RNFT1: variants seen among roughly 807,000 people sequenced by gnomAD.
RNFT1 encodes ring finger protein, transmembrane 1.
A neutral mutation model predicts 53.2 loss-of-function variants in RNFT1; 35 were observed. That is an observed-to-expected ratio of 0.66 (90% confidence interval 0.50 to 0.87). The LOEUF is 0.87. RNFT1 is among the 40% of genes least tolerant of loss of function. The pLI, the probability that RNFT1 is intolerant of heterozygous loss-of-function variation, is 0.00. For synonymous variants in RNFT1, 141 were observed against 172.8 expected (o/e 0.82, Z 1.44); for missense variants, 421 against 515.0 (o/e 0.82, Z 1.77).
rs2045266517 is a variant in RNFT1, at chr17:59,958,305, G to A, written c.832C>T (p.Pro278Ser). Residue 278 changes from proline (P) to serine (S), a missense_variant, in exon 5 of 9, where the codon CCT becomes TCT. Transcript: ENST00000305783. ...LILLVPSFIM[P>S]FKSKGYWYML... The stretch of plus-strand genomic sequence containing the variant: ...GAGTTTCTTACCTTAGATTTAAAAG[G>A]CATGATGAAAGAAGGCACCAATAAA... The A allele has an allele frequency of 6.3e-7, 1 of 1,592,116 alleles. No homozygotes were observed. The highest frequency in any genetic ancestry group is 2.3e-5 in the East Asian group (1 of 44,400).
At chr17:59,958,581 TAATGG>T in intron 4 of RNFT1, 137 bp from the exon 5 acceptor site, 2 of 755,596 alleles carry the variant, frequency 2.6e-6, no homozygotes, top group Non-Finnish European at 4.5e-6. Context: ...GAGTTCACAA[TAATGG>T]AATGGAGGAT....
chr17:59,959,991 T>C, intron 4 of RNFT1, 77 bp downstream of exon 4: 2 of 1,417,768 alleles, frequency 1.4e-6, no homozygotes. Context: ...ATAAGTACTA[T>C]GTGAAGTAAG....
At chr17:59,958,166 TAC>T (rs1335314137) in intron 5 of RNFT1, 123 bp downstream of exon 5, 33 of 905,416 alleles carry the variant, frequency 3.6e-5, no homozygotes, top group Admixed American at 5.9e-5. Context: ...GCTGAAATAA[TAC>T]AGATAATTAA....
chr17:59,957,120 G>A (rs1230388292), intron 6 of RNFT1, 104 bp downstream of exon 6: 4 of 1,099,914 alleles, frequency 3.6e-6, no homozygotes, highest in Non-Finnish European at 5.2e-6. Context: ...TCAAACTAGT[G>A]ATATGAAGAT....
intron 6 of RNFT1, 41 bp downstream of exon 6, chr17:59,957,183 A>G: frequency 6.3e-7 from 1 of 1,578,908 alleles, no homozygotes; most frequent in Middle Eastern, 1.7e-4. Context: ...AGTAATCATT[A>G]ATGTGAATCA....
At chr17:59,958,185 T>C (rs1382278217) in intron 5 of RNFT1, 106 bp downstream of exon 5, 2 of 1,152,060 alleles carry the variant, frequency 1.7e-6, no homozygotes, top group African/African-American at 1.6e-5. Flanking sequence ...TTAAGCTAGT[T>C]AGCAAACTGA....
At position 59,957,288 on chromosome 17, in the gene RNFT1, T is replaced by TC; in HGVS notation, c.940dup (p.Glu314GlyfsTer4). On this transcript the variant is annotated frameshift_variant, in exon 6 of 9. Coordinates refer to ENST00000305783, the MANE Select transcript of RNFT1 (RefSeq NM_016125.4). LOFTEE classifies it high-confidence loss of function. The stretch of plus-strand genomic sequence containing the variant: ...ACTCCATCTAGTTACGTTACCAAAC[T>TC]CCCCATAGCTTATAAGGTAGCGAAA... The TC allele has an allele frequency of 6.2e-7, 1 of 1,613,816 alleles. No individual in the cohort carries two copies. Among genetic ancestry groups the TC allele is most frequent in the Non-Finnish European group, 8.5e-7 (1 of 1,179,940 alleles).
intron 2 of RNFT1, 68 bp from the exon 3 acceptor site, chr17:59,962,684 T>C (rs1248758932): frequency 4.4e-5 from 60 of 1,372,876 alleles, no homozygotes; most frequent in Non-Finnish European, 5.9e-5. Flanking sequence ...AAGCTAACAA[T>C]GACACAAATT....
intron 3 of RNFT1, among the ~76,000 whole-genome samples, chr17:59,961,472 A>C (rs2145119411): frequency 6.6e-6 from 1 of 152,340 alleles, no homozygotes; most frequent in African/African-American, 2.4e-5. Flanking sequence ...ATAGCCATTT[A>C]AAGTTGCCTT....
intron 1 of RNFT1, 98 bp from the exon 2 acceptor site, chr17:59,963,382 A>G: frequency 1.0e-6 from 1 of 982,112 alleles, no homozygotes; most frequent in Non-Finnish European, 1.5e-6. Context: ...AGGAGTAGCA[A>G]ATAATCACAA....
Position 59,963,027 on chromosome 17 carries a change from C to T in RNFT1, c.314G>A (p.Ser105Asn). ...SSRNIRSGVH[S>N]CAHGCVHSRL... The stretch of plus-strand genomic sequence containing the variant: ...ACTGTGTACACATCCATGGGCACAG[C>T]TATGGACACCTGACCTTATATTTCT... Residue 105 changes from serine (S) to asparagine (N), a missense_variant, in exon 2 of 9, where the codon AGC becomes AAC. By Grantham distance (46) the Ser-to-Asn change is conservative. Coordinates refer to ENST00000305783, the MANE Select transcript of RNFT1 (RefSeq NM_016125.4). 1 of 1,614,220 alleles carries T rather than the reference C, an allele frequency of 6.2e-7. No homozygotes were observed. Among genetic ancestry groups the T allele is most frequent in the Non-Finnish European group, 8.5e-7 (1 of 1,180,042 alleles).
At chr17:59,961,204 T>G (rs577366593) in intron 3 of RNFT1, among the ~76,000 whole-genome samples, 36 of 150,922 alleles carry the variant, frequency 2.4e-4, no homozygotes, top group African/African-American at 8.3e-4. Flanking sequence ...GCCCAGCTAA[T>G]TTTTTGTATT....
intron 3 of RNFT1, among the ~76,000 whole-genome samples, chr17:59,960,473 TAA>T (rs1204402063): frequency 8.4e-6 from 1 of 118,758 alleles, no homozygotes; most frequent in Non-Finnish European, 1.8e-5. Context: ...TAAATTAAAT[TAA>T]AAAAAAAAAA....
At chr17:59,959,189 C>T (rs1367775011) in intron 4 of RNFT1, among the ~76,000 whole-genome samples, 1 of 152,096 alleles carries the variant, frequency 6.6e-6, no homozygotes, top group Non-Finnish European at 1.5e-5. Flanking sequence ...GATTTTTCTC[C>T]TCAAAATCAG....
intron 1 of RNFT1, among the ~76,000 whole-genome samples, chr17:59,963,731 G>GA (rs374226039): frequency 1.3e-5 from 2 of 150,292 alleles, no homozygotes; most frequent in East Asian, 3.9e-4. Context: ...GAAATGTTAG[G>GA]AAAAAAAACA....
intron 8 of RNFT1, 103 bp downstream of exon 8, chr17:59,953,942 C>A: frequency 1.5e-6 from 1 of 682,308 alleles, no homozygotes; most frequent in Non-Finnish European, 2.4e-6. Context: ...TTCCACTAAA[C>A]ACTAGATTTT....
chr17:59,960,630 G>T (rs1270035806), intron 3 of RNFT1, among the ~76,000 whole-genome samples: 1 of 151,910 alleles, frequency 6.6e-6, no homozygotes, highest in Non-Finnish European at 1.5e-5. Flanking sequence ...GCCCAACATG[G>T]TGAAACCTGT....
intron 1 of RNFT1, 101 bp downstream of exon 1, chr17:59,964,505 GTT>G (rs1461077403): frequency 3.5e-5 from 36 of 1,024,930 alleles, no homozygotes; most frequent in Non-Finnish European, 4.9e-5. Flanking sequence ...CGAGGGCAGA[GTT>G]CTCCACCCAC....
chr17:59,964,240 A>G (rs1264875218), intron 1 of RNFT1, among the ~76,000 whole-genome samples: 2 of 152,002 alleles, frequency 1.3e-5, no homozygotes, highest in African/African-American at 2.4e-5. Context: ...GTGTCATTCT[A>G]TTTCACTCCC....
Sources: gnomAD v4.1 joint callset for allele counts (sites outside exome capture counted in the v4.1 genomes callset) on GRCh38, gnomAD v4.1.1 for gene constraint, MANE v1.5 for transcripts, NCBI Gene and HGNC (gene_info 2026-07-23, HGNC 2026-07-21) for gene names.